CNTN5: variants seen among roughly 807,000 people sequenced by gnomAD.
CNTN5 encodes contactin 5, also known as contactin-5.
CNTN5 carries 77 observed loss-of-function variants against 129.1 expected under a neutral mutation model. The observed-to-expected ratio is 0.60, with a 90% CI of 0.50 to 0.72. The LOEUF (loss-of-function observed/expected upper bound fraction) is 0.72, where lower values mean the gene tolerates loss of function less well. CNTN5 is among the 30% of genes least tolerant of loss of function. The pLI, the probability that CNTN5 is intolerant of heterozygous loss-of-function variation, is 0.00. For synonymous variants in CNTN5, 509 were observed against 465.6 expected (o/e 1.09, Z -1.20); for missense variants, 1,478 against 1,328.8 (o/e 1.11, Z -1.75).
chr11:99,505,784 G>A (rs921496413), intron 2 of CNTN5, among the ~76,000 whole-genome samples: 2 of 152,078 alleles, frequency 1.3e-5, no homozygotes, highest in African/African-American at 2.4e-5. Flanking sequence ...AAAAATGCAG[G>A]CCTCATTGTG....
At chr11:99,031,151 T>C (rs1253423068) in intron 1 of CNTN5, among the ~76,000 whole-genome samples, 1 of 152,078 alleles carries the variant, frequency 6.6e-6, no homozygotes, top group Non-Finnish European at 1.5e-5. Flanking sequence ...TTGTGAATTG[T>C]AATTGTATTT....
chr11:99,664,572 A>C (rs1952716089), intron 3 of CNTN5, among the ~76,000 whole-genome samples: 1 of 152,212 alleles, frequency 6.6e-6, no homozygotes, highest in Non-Finnish European at 1.5e-5. Flanking sequence ...GTTTTGCTAT[A>C]ACATTTTATT....
At chr11:99,505,516 CT>C (rs1215833998) in intron 2 of CNTN5, among the ~76,000 whole-genome samples, 1 of 152,134 alleles carries the variant, frequency 6.6e-6, no homozygotes, top group African/African-American at 2.4e-5. Flanking sequence ...ATGATTCACT[CT>C]GGTCATTTAG....
chr11:100,121,340 G>T (rs1049638613), intron 13 of CNTN5, among the ~76,000 whole-genome samples: 3 of 152,056 alleles, frequency 2.0e-5, no homozygotes, highest in Non-Finnish European at 4.4e-5. Context: ...CTAGGTTTTA[G>T]ACAGATTTTA....
intron 3 of CNTN5, among the ~76,000 whole-genome samples, chr11:99,637,737 A>G (rs1044749887): frequency 2.0e-5 from 3 of 151,856 alleles, no homozygotes; most frequent in Non-Finnish European, 2.9e-5. Flanking sequence ...TAACTATTAT[A>G]TCAGTCTTGC....
intron 1 of CNTN5, among the ~76,000 whole-genome samples, chr11:99,178,071 C>T (rs938831389): frequency 7.2e-5 from 11 of 151,860 alleles, no homozygotes; most frequent in African/African-American, 1.9e-4. Flanking sequence ...ATTATGTAAC[C>T]GTACATGAAG....
At chr11:99,695,700 G>A (rs561330015) in intron 3 of CNTN5, among the ~76,000 whole-genome samples, 2 of 152,038 alleles carry the variant, frequency 1.3e-5, no homozygotes, top group African/African-American at 4.8e-5. Context: ...TAGGAACATA[G>A]ACTCCATCTC....
At chr11:99,074,210 CT>C (rs989482587) in intron 1 of CNTN5, among the ~76,000 whole-genome samples, 12 of 152,082 alleles carry the variant, frequency 7.9e-5, no homozygotes, top group Non-Finnish European at 1.6e-4. Flanking sequence ...ACTTCACCCA[CT>C]TTTTGATGGA....
At chr11:99,920,403 C>G (rs1394908049) in intron 7 of CNTN5, among the ~76,000 whole-genome samples, 1 of 152,072 alleles carries the variant, frequency 6.6e-6, no homozygotes, top group Non-Finnish European at 1.5e-5. Flanking sequence ...CTAAAATCTC[C>G]CTAACATACA....
intron 3 of CNTN5, among the ~76,000 whole-genome samples, chr11:99,772,362 T>A (rs565037635): frequency 2.1e-4 from 32 of 152,200 alleles, no homozygotes; most frequent in Admixed American, 1.8e-3. Flanking sequence ...ATTTTTCTTG[T>A]TTTATTTTCT....
At chr11:99,482,779 ATAAT>A (rs1451670724) in intron 2 of CNTN5, among the ~76,000 whole-genome samples, 1 of 152,178 alleles carries the variant, frequency 6.6e-6, no homozygotes, top group Non-Finnish European at 1.5e-5. Context: ...CATGAAAGAA[ATAAT>A]TAATACCCGG....
intron 1 of CNTN5, among the ~76,000 whole-genome samples, chr11:99,205,820 A>G (rs1859450767): frequency 6.8e-6 from 1 of 147,276 alleles, no homozygotes; most frequent in African/African-American, 2.6e-5. Flanking sequence ...TTGTACATCA[A>G]TAAAGCTGAA....
chr11:99,784,248 A>G (rs1460452937), intron 3 of CNTN5, among the ~76,000 whole-genome samples: 1 of 151,968 alleles, frequency 6.6e-6, no homozygotes, highest in African/African-American at 2.4e-5. Flanking sequence ...CCACCCATCA[A>G]CCCGTCATCT....
chr11:100,242,842 T>A (rs1238682020), intron 16 of CNTN5, among the ~76,000 whole-genome samples: 1 of 152,196 alleles, frequency 6.6e-6, no homozygotes, highest in East Asian at 1.9e-4. Context: ...ATTACATTTT[T>A]AAAAATCAGA....
intron 18 of CNTN5, among the ~76,000 whole-genome samples, chr11:100,292,279 A>T (rs1337776994): frequency 6.6e-6 from 1 of 152,044 alleles, no homozygotes; most frequent in Non-Finnish European, 1.5e-5. Flanking sequence ...GTTTATCCAC[A>T]TACTGCTGCT....
chr11:99,955,595 T>C (rs1445600905), intron 7 of CNTN5, among the ~76,000 whole-genome samples: 1 of 152,172 alleles, frequency 6.6e-6, no homozygotes, highest in Non-Finnish European at 1.5e-5. Flanking sequence ...AGTCTTGCTC[T>C]GTTGCCCAGG....
intron 9 of CNTN5, among the ~76,000 whole-genome samples, chr11:100,060,758 G>C (rs1208390371): frequency 1.3e-5 from 2 of 151,102 alleles, no homozygotes; most frequent in Non-Finnish European, 2.9e-5. Flanking sequence ...TCCTGCCTCA[G>C]CCTCCAGAAT....
chr11:100,271,336 G>C (rs1950404812), intron 18 of CNTN5, 95 bp downstream of exon 18: 1 of 805,450 alleles, frequency 1.2e-6, no homozygotes, highest in Admixed American at 3.6e-5. Flanking sequence ...GCTTGCTTTA[G>C]CATAATTTGT....
At chr11:99,357,213 A>G (rs1938738071) in intron 2 of CNTN5, among the ~76,000 whole-genome samples, 1 of 152,120 alleles carries the variant, frequency 6.6e-6, no homozygotes, top group African/African-American at 2.4e-5. Flanking sequence ...TCATATTACT[A>G]ACACCTTGTT....
Sources: gnomAD v4.1 joint callset for allele counts (sites outside exome capture counted in the v4.1 genomes callset) on GRCh38, gnomAD v4.1.1 for gene constraint, MANE v1.5 for transcripts, NCBI Gene and HGNC (gene_info 2026-07-23, HGNC 2026-07-21) for gene names.